Variants in ZNF317 observed in about 807,000 individuals in gnomAD.
ZNF317 encodes the protein KRAB-containing zinc finger protein 317.
ZNF317 carries 17 observed loss-of-function variants against 23.4 expected under a neutral mutation model. That is an observed-to-expected ratio of 0.73 (90% CI 0.50 to 1.09). The LOEUF (loss-of-function observed/expected upper bound fraction) is 1.09. Among genes scored for constraint, ZNF317 ranks in the 50% least tolerant of loss-of-function variants. The probability of loss-of-function intolerance (pLI) is 0.00; values close to 1 mark genes in which losing one functional copy is unlikely to be tolerated. For synonymous variants in ZNF317, 317 were observed against 314.9 expected, an observed-to-expected ratio of 1.01 and a Z score of -0.07; for missense variants, 679 against 796.7, an observed-to-expected ratio of 0.85 and a Z score of 1.78.
In ZNF317 at chr19:9,157,306, C is replaced by T. The variant is rs199782182; in HGVS notation, c.201C>T (p.Thr67=). ...VTFQDVAVDF[T]EKEWPLLDSS... ...TCCAAGATGTCGCTGTGGACTTTAC[C>T]GAGAAGGAGTGGCCCTTGCTGGATT... is the stretch of plus-strand genomic sequence containing the variant. The change falls in exon 4 of 7, where the codon ACC becomes ACT. Residue 67 remains threonine, a synonymous_variant. Coordinates refer to ENST00000247956, the MANE Select transcript of ZNF317 (RefSeq NM_020933.5). 3.0e-5 allele frequency: 48 copies of T among 1,613,892 alleles called. No individual in the cohort carries two copies. Among genetic ancestry groups the T allele is most frequent in the African/African-American group, 1.6e-4 (12 of 74,900 alleles).
At chr19:9,154,582 A>G (rs1431312484) in intron 1 of ZNF317, among the ~76,000 whole-genome samples, 2 of 152,166 alleles carry the variant, frequency 1.3e-5, no homozygotes, top group Non-Finnish European at 1.5e-5. Context: ...GTAGTATTCC[A>G]TTCTGTAAAC....
At chr19:9,156,861 G>C in intron 3 of ZNF317, 113 bp downstream of exon 3, 1 of 1,325,252 alleles carries the variant, frequency 7.5e-7, no homozygotes, top group Admixed American at 2.4e-5. Context: ...TGCCAGAACA[G>C]GGCCCAAGAG....
Position 9,158,284 on chromosome 19 carries a change from T to G in ZNF317, c.385+209T>G, listed in dbSNP as rs2050807862. ...TCCCATTATTGGGCTCTTTGTCCCA[T>G]TCTTTCATATTTGATGTTTCTGATC... On this transcript the variant is annotated intron_variant, in intron 5 of 6. Transcript: ENST00000247956. 2.6e-5 allele frequency among the ~76,000 whole-genome samples: 4 copies of G among 152,180 alleles called. No individual in the cohort carries two copies. The South Asian group carries it at 6.2e-4, about 24-fold the overall frequency.
chr19:9,155,167 C>T (rs764348392), intron 1 of ZNF317, among the ~76,000 whole-genome samples: 4 of 151,950 alleles, frequency 2.6e-5, no homozygotes, highest in Non-Finnish European at 5.9e-5. Context: ...TTTCCCAATC[C>T]GTGGTTCACT....
intron 5 of ZNF317, 99 bp downstream of exon 5, chr19:9,158,174 G>A (rs2050806837): frequency 7.2e-7 from 1 of 1,386,240 alleles, no homozygotes; most frequent in Admixed American, 2.9e-5. Flanking sequence ...CAGGGAAATT[G>A]AGAGATGCTC....
At chr19:9,156,167 G>A (rs781482127) in intron 2 of ZNF317, 126 bp downstream of exon 2, 56 of 1,264,712 alleles carry the variant, frequency 4.4e-5, no homozygotes, top group Non-Finnish European at 6.1e-5. Flanking sequence ...GAAAAGGGGT[G>A]GGAACAGAGC....
chr19:9,147,639 T>C (rs1291556053), intron 1 of ZNF317, among the ~76,000 whole-genome samples: 5 of 152,142 alleles, frequency 3.3e-5, no homozygotes, highest in Admixed American at 6.5e-5. Context: ...GCCCGGCTGA[T>C]CCTGGTTTTG....
At chr19:9,150,035 G>A (rs936330355) in intron 1 of ZNF317, among the ~76,000 whole-genome samples, 2 of 152,172 alleles carry the variant, frequency 1.3e-5, no homozygotes, top group Admixed American at 6.5e-5. Context: ...AGGTGATGAC[G>A]AGCAAGGCTT....
At position 9,157,963 on chromosome 19, in the gene ZNF317, C is replaced by CT. The variant is rs1282120044; in HGVS notation, c.290-14dup. 6.4e-7 allele frequency: 1 copy of CT among 1,550,490 alleles called. No individual in the cohort carries two copies. Among genetic ancestry groups the CT allele is most frequent in the Non-Finnish European group, 8.7e-7 (1 of 1,146,368 alleles). On this transcript the variant is annotated splice_polypyrimidine_tract_variant and intron_variant, in intron 4 of 6. Transcript: ENST00000247956. ...TGCATGGCCCTCCCTCAACCTGTGT[C>CT]TTTCCCGTGAGTGTAGGGTATCAGG...
At chr19:9,158,550 G>A (rs955251443) in intron 5 of ZNF317, among the ~76,000 whole-genome samples, 3 of 151,408 alleles carry the variant, frequency 2.0e-5, no homozygotes, top group African/African-American at 7.3e-5. Context: ...TGTTGTCCAG[G>A]CTGGTCTCGA....
Position 9,161,373 on chromosome 19 carries a change from C to T in ZNF317, c.1728C>T (p.His576=), listed in dbSNP as rs1444282125. 1 of 1,614,118 alleles carries T rather than the reference C, an allele frequency of 6.2e-7. No individual in the cohort carries two copies. The highest frequency in any genetic ancestry group is 8.5e-7 in the Non-Finnish European group (1 of 1,180,006). ...GCGACCACTCATCCCTCAGGAGCCA[C>T]GTGAAAACTCACCGGGGAGAGAAGC... ...AFSDHSSLRS[H]VKTHRGEKLF... Residue 576 remains histidine, a synonymous_variant, in exon 7 of 7, where the codon CAC becomes CAT. Coordinates refer to ENST00000247956, the MANE Select transcript of ZNF317 (RefSeq NM_020933.5). The surrounding 1 kb of genome is among the most constrained non-coding windows in gnomAD (Gnocchi z 4.0).
intron 5 of ZNF317, 54 bp downstream of exon 5, chr19:9,158,129 C>T: frequency 6.6e-7 from 1 of 1,514,706 alleles, no homozygotes; most frequent in Non-Finnish European, 8.8e-7. Flanking sequence ...TATTCAGTGA[C>T]TGGGGTGGAG....
At chr19:9,147,497 C>T (rs1190561244) in intron 1 of ZNF317, among the ~76,000 whole-genome samples, 8 of 152,110 alleles carry the variant, frequency 5.3e-5, no homozygotes, top group South Asian at 2.1e-4. Context: ...CCCGCCACCG[C>T]GCCCGGCTAA....
chr19:9,148,924 A>G (rs1033425417), intron 1 of ZNF317, among the ~76,000 whole-genome samples: 5 of 152,168 alleles, frequency 3.3e-5, no homozygotes, highest in African/African-American at 4.8e-5. Context: ...AGACGACAGA[A>G]TGCATAGTTG....
chr19:9,145,440 G>A (rs55917268), intron 1 of ZNF317, among the ~76,000 whole-genome samples: 51,414 of 151,822 alleles, frequency 0.34, 9,775 homozygotes, highest in African/African-American at 0.53. Flanking sequence ...GTTTCTTAAT[G>A]GAGAGATATT....
In ZNF317 at chr19:9,162,122, G is replaced by A. The variant is rs1270005892; in HGVS notation, c.*689G>A. On this transcript the variant is annotated 3_prime_UTR_variant, in exon 7 of 7. Transcript: ENST00000247956. ...GGTCTACAGCACGGGTTCTCAGTCGGGCGACGATTTGGCTGTCTAGGCGTC... is the reference window on the plus strand; with the variant it reads ...GGTCTACAGCACGGGTTCTCAGTCGAGCGACGATTTGGCTGTCTAGGCGTC... 6.6e-6 allele frequency: 1 copy of A among 152,090 alleles called. No individual in the cohort carries two copies. The highest frequency in any genetic ancestry group is 1.5e-5 in the Non-Finnish European group (1 of 68,028). 9.4% of individuals were successfully genotyped at this position (152,090 alleles called of 1,614,324 possible). A position where few individuals can be genotyped will look rare whatever the true frequency, so the allele number is the denominator to read the frequency against.
chr19:9,145,520 A>T (rs1235120812), intron 1 of ZNF317, among the ~76,000 whole-genome samples: 1 of 152,228 alleles, frequency 6.6e-6, no homozygotes, highest in Non-Finnish European at 1.5e-5. Context: ...ATTGCTTAAA[A>T]GGTAACCTGT....
rs1468686708 is a variant in ZNF317, at chr19:9,140,406, G to A, written c.-279G>A. On this transcript the variant is annotated 5_prime_UTR_variant, in exon 1 of 7. Transcript: ENST00000247956. Reference sequence around the variant, plus strand: ...AGAATTGGAAGGCGGCAGTGAAGCGGAAGCCATTACTCTCTGGAGTCGATT... The same window carrying A: ...AGAATTGGAAGGCGGCAGTGAAGCGAAAGCCATTACTCTCTGGAGTCGATT... 7.7e-6 allele frequency: 3 copies of A among 392,086 alleles called. No individual in the cohort carries two copies. Among genetic ancestry groups the A allele is most frequent in the Non-Finnish European group, 5.1e-6 (1 of 194,562 alleles). The allele number at this position is 392,086 out of a possible 1,614,324, so 24.3% of individuals were successfully genotyped here. A position where few individuals can be genotyped will look rare whatever the true frequency, so the allele number is the denominator to read the frequency against.
chr19:9,157,238 C>T (rs779121771), intron 3 of ZNF317, 30 bp from the exon 4 acceptor site: 27 of 1,610,752 alleles, frequency 1.7e-5, no homozygotes, highest in South Asian at 1.3e-4. Context: ...GCTGGTTCCT[C>T]GCTGACCCCA....
Sources: gnomAD v4.1 joint callset for allele counts (sites outside exome capture counted in the v4.1 genomes callset) on GRCh38, gnomAD v4.1.1 for gene constraint, Gnocchi (gnomAD v3.1) non-coding constraint, MANE v1.5 for transcripts, NCBI Gene and HGNC (gene_info 2026-07-23, HGNC 2026-07-21) for gene names.